Variants in SCMH1 observed in about 807,000 individuals in gnomAD.
The protein encoded by SCMH1 is Scm polycomb group protein homolog 1, also known as polycomb protein SCMH1.
A neutral mutation model predicts 70.8 loss-of-function variants in SCMH1; 37 were observed. The observed-to-expected ratio is 0.52, with a 90% CI of 0.40 to 0.69. The LOEUF is 0.69. Ranked by LOEUF, SCMH1 falls within the 30% of genes least tolerant of loss-of-function variation. SCMH1 has a pLI of 0.00. For missense variants in SCMH1, 607 were observed against 827.3 expected (o/e 0.73, Z 3.27); for synonymous variants, 292 against 307.4 (o/e 0.95, Z 0.52).
chr1:41,214,669 T>C (rs924406560), intron 1 of SCMH1, among the ~76,000 whole-genome samples: 1 of 152,154 alleles, frequency 6.6e-6, no homozygotes, highest in Non-Finnish European at 1.5e-5. Context: ...ATTCTGATGC[T>C]ATTTCTCAGC....
intron 8 of SCMH1, chr1:41,098,953 C>T (rs1572094949): frequency 3.7e-6 from 1 of 269,878 alleles, no homozygotes; most frequent in Non-Finnish European, 7.2e-6. Flanking sequence ...AGATAGAAGA[C>T]AACAACACAC....
intron 8 of SCMH1, among the ~76,000 whole-genome samples, chr1:41,095,035 T>G (rs974637270): frequency 6.6e-6 from 1 of 152,154 alleles, no homozygotes; most frequent in Non-Finnish European, 1.5e-5. Flanking sequence ...TTCTCCTTCT[T>G]CTGCTTTACC....
chr1:41,197,026 T>C (rs78823847), intron 1 of SCMH1, among the ~76,000 whole-genome samples: 8,202 of 152,222 alleles, frequency 0.054, 320 homozygotes, highest in Non-Finnish European at 0.077. Flanking sequence ...AGTATGGCTG[T>C]TATGAAAAAA....
At chr1:41,048,175 G>C (rs909246177) in intron 11 of SCMH1, among the ~76,000 whole-genome samples, 5 of 152,212 alleles carry the variant, frequency 3.3e-5, no homozygotes, top group African/African-American at 1.2e-4. Flanking sequence ...TGAGTATTCT[G>C]TGAGAGCAAA....
rs151049490 is a variant in SCMH1 at position 41,176,200 on chromosome 1, C to A, written c.13+9921G>T. On this transcript the variant is annotated intron_variant, in intron 2 of 14. Transcript: ENST00000337495. ...AAAACCAAAAAAAACAAAAAAAAAA[C>A]AAAAAAAAAAAAGGAAAGAAAGAGG... Among the ~76,000 whole-genome samples, 797 of 100,056 alleles carry A rather than the reference C, an allele frequency of 8.0e-3. 5 individuals are homozygous for A. The highest frequency in any genetic ancestry group is 7.4e-3 in the Admixed American group (75 of 10,158). 65.6% of individuals were successfully genotyped at this position (100,056 alleles called of 152,430 possible).
chr1:41,036,653 G>A (rs893432372), intron 13 of SCMH1, among the ~76,000 whole-genome samples: 4 of 152,038 alleles, frequency 2.6e-5, no homozygotes, highest in African/African-American at 9.7e-5. Flanking sequence ...CTAATTAAAC[G>A]CCCATTTAAG....
At position 41,122,989 on chromosome 1, in the gene SCMH1, G is replaced by C. The variant is rs80227175; in HGVS notation, c.413-5979C>G. On this transcript the variant is annotated intron_variant, in intron 6 of 14. Coordinates refer to ENST00000337495, the Ensembl canonical transcript of SCMH1. Reference sequence around the variant, plus strand: ...AATCGCAGCATTTTGGGAGACTGACGCAGGAGGATCACTTCAGCCCAAAAT... The same window carrying C: ...AATCGCAGCATTTTGGGAGACTGACCCAGGAGGATCACTTCAGCCCAAAAT... Among the ~76,000 whole-genome samples the C allele has an allele frequency of 5.9e-3, 902 of 152,232 alleles. 4 individuals are homozygous for C. The highest frequency in any genetic ancestry group is 0.02 in the African/African-American group (840 of 41,528).
chr1:41,148,855 A>C (rs1184891524), intron 5 of SCMH1, among the ~76,000 whole-genome samples: 1 of 152,126 alleles, frequency 6.6e-6, no homozygotes, highest in African/African-American at 2.4e-5. Context: ...CAGTGGCATG[A>C]TCTCAGCTCA....
At chr1:41,125,797 G>A (rs180714517) in intron 6 of SCMH1, among the ~76,000 whole-genome samples, 22 of 151,816 alleles carry the variant, frequency 1.4e-4, no homozygotes, top group Non-Finnish European at 1.3e-4. Flanking sequence ...GGCTGGTCTC[G>A]AACTCCTAGG....
chr1:41,235,241 T>C (rs537712280), intron 1 of SCMH1, among the ~76,000 whole-genome samples: 6 of 152,238 alleles, frequency 3.9e-5, no homozygotes, highest in Admixed American at 2.0e-4. Flanking sequence ...CTAATATTAG[T>C]ATTTCTTTAT....
intron 5 of SCMH1, among the ~76,000 whole-genome samples, chr1:41,151,410 C>T (rs536885133): frequency 6.6e-6 from 1 of 152,298 alleles, no homozygotes; most frequent in Non-Finnish European, 1.5e-5. Flanking sequence ...AAGGGTGTTA[C>T]TTGGGATGAA....
intron 8 of SCMH1, among the ~76,000 whole-genome samples, chr1:41,105,012 G>A (rs1572158629): frequency 6.6e-6 from 1 of 151,948 alleles, no homozygotes; most frequent in African/African-American, 2.4e-5. Context: ...CTGGAGTGCA[G>A]TGGCACAATC....
At position 41,159,585 on chromosome 1, in the gene SCMH1, G is replaced by A. The variant is rs546843669; in HGVS notation, c.106+1290C>T. ...TCACAAAACTGGTAAGTGGGAATAG[G>A]AATTTGAACCTTGGTTCAAATTGTC... On this transcript the variant is annotated intron_variant, in intron 4 of 14. Coordinates refer to ENST00000337495, the Ensembl canonical transcript of SCMH1. 1.3e-5 allele frequency: 12 copies of A among 941,102 alleles called. No homozygotes were observed. The South Asian group carries it at 3.7e-4, about 29-fold the overall frequency. The allele number at this position is 941,102 out of a possible 1,614,324, so 58.3% of individuals were successfully genotyped here.
At chr1:41,166,816 T>C (rs1646440789) in intron 2 of SCMH1, among the ~76,000 whole-genome samples, 1 of 152,120 alleles carries the variant, frequency 6.6e-6, no homozygotes, top group African/African-American at 2.4e-5. Context: ...CACTCTTTCC[T>C]ATTTGGATGT....
chr1:41,187,645 C>T (rs1650579994), intron 1 of SCMH1, among the ~76,000 whole-genome samples: 1 of 151,630 alleles, frequency 6.6e-6, no homozygotes, highest in Non-Finnish European at 1.5e-5. Flanking sequence ...TGGCTCACAC[C>T]TGTAAAGAGG....
intron 6 of SCMH1, among the ~76,000 whole-genome samples, chr1:41,140,196 G>C (rs1643916375): frequency 6.6e-6 from 1 of 152,110 alleles, no homozygotes; most frequent in African/African-American, 2.4e-5. Context: ...TGGTACAAAG[G>C]AGATTCAAAT....
intron 1 of SCMH1, among the ~76,000 whole-genome samples, chr1:41,216,930 G>C (rs1208682263): frequency 6.6e-6 from 1 of 152,154 alleles, no homozygotes; most frequent in African/African-American, 2.4e-5. Context: ...TGCTCTCTCT[G>C]AAGATCCTTC....
At chr1:41,125,370 C>T (rs1476258577) in intron 6 of SCMH1, among the ~76,000 whole-genome samples, 1 of 151,912 alleles carries the variant, frequency 6.6e-6, no homozygotes, top group Non-Finnish European at 1.5e-5. Flanking sequence ...TGTGTGTCAT[C>T]ATGCCCAGAT....
At chr1:41,176,479 GT>G (rs1328312120) in intron 2 of SCMH1, among the ~76,000 whole-genome samples, 1 of 152,226 alleles carries the variant, frequency 6.6e-6, no homozygotes, top group Non-Finnish European at 1.5e-5. Flanking sequence ...AGTGCAAGGG[GT>G]CAGGGAATTC....
Sources: gnomAD v4.1 joint callset for allele counts (sites outside exome capture counted in the v4.1 genomes callset) on GRCh38, gnomAD v4.1.1 for gene constraint, MANE v1.5 for transcripts, NCBI Gene and HGNC (gene_info 2026-07-23, HGNC 2026-07-21) for gene names.